Variants in CADPS observed in about 807,000 individuals in gnomAD.
The protein encoded by CADPS is calcium dependent secretion activator, also known as calcium-dependent secretion activator 1.
A neutral mutation model predicts 167.3 loss-of-function variants in CADPS; 57 were observed. The ratio of observed to expected loss-of-function variants is 0.34; its 90% confidence interval spans 0.28 to 0.42. The LOEUF is 0.42. CADPS is among the 20% of genes least tolerant of loss of function. The pLI is 1.00. For missense variants in CADPS, 1,414 were observed against 1,738.1 expected, an observed-to-expected ratio of 0.81 and a Z score of 3.32; for synonymous variants, 676 against 635.3, an observed-to-expected ratio of 1.06 and a Z score of -0.96.
chr3:62,768,536 CA>C (rs2087573532), intron 1 of CADPS, among the ~76,000 whole-genome samples: 2 of 152,158 alleles, frequency 1.3e-5, no homozygotes, highest in Admixed American at 1.3e-4. Flanking sequence ...GCATGGTGCT[CA>C]TTTAGTTAAG....
rs76155078 is a variant in CADPS at position 62,468,505 on chromosome 3, C to T, written c.3478-2092G>A. On this transcript the variant is annotated intron_variant, in intron 24 of 29. Transcript: ENST00000383710. ...ACACCAACAAAGATTTAGGGTCTTA[C>T]TCTGAGGAGTTAATGATGTCATTCT... Among the ~76,000 whole-genome samples the T allele has an allele frequency of 1.1e-4, 17 of 152,284 alleles. No individual in the cohort carries two copies. In the East Asian group the frequency reaches 3.1e-3, roughly 28 times the overall value.
chr3:62,754,356 T>C (rs983650065), intron 2 of CADPS, among the ~76,000 whole-genome samples: 4 of 151,900 alleles, frequency 2.6e-5, no homozygotes, highest in African/African-American at 9.7e-5. Flanking sequence ...TATTTATTTA[T>C]TTTGTATTTT....
chr3:62,738,574 A>T (rs2079504730), intron 3 of CADPS, among the ~76,000 whole-genome samples: 1 of 152,148 alleles, frequency 6.6e-6, no homozygotes, highest in Admixed American at 6.5e-5. Flanking sequence ...AAGTACAAAA[A>T]AATTAACTGA....
chr3:62,850,167 T>C (rs1338427418), intron 1 of CADPS, among the ~76,000 whole-genome samples: 1 of 136,740 alleles, frequency 7.3e-6, no homozygotes, highest in Non-Finnish European at 1.6e-5. Flanking sequence ...TTCTTCTCTC[T>C]TTTTTTATTA....
rs1239872733 is a variant in CADPS, at chr3:62,870,004, G to A, written c.441+4585C>T. 2.6e-5 allele frequency among the ~76,000 whole-genome samples: 4 copies of A among 151,940 alleles called. No homozygotes were observed. The South Asian group carries it at 6.2e-4, about 24-fold the overall frequency. ...AAACATTTAATTTCCTTTGTTCTTC[G>A]GTCCAGTTTTAGGGAATCATAAGCC... On this transcript the variant is annotated intron_variant, in intron 1 of 29. Coordinates refer to ENST00000383710, the MANE Select transcript of CADPS (RefSeq NM_003716.4).
Position 62,753,589 on chromosome 3 carries a change from C to T in CADPS, c.740G>A (p.Gly247Glu), listed in dbSNP as rs765186750. 1 of 1,614,036 alleles carries T rather than the reference C, an allele frequency of 6.2e-7. No individual in the cohort carries two copies. The highest frequency in any genetic ancestry group is 1.3e-5 in the African/African-American group (1 of 74,916). ...CTGCTGCTTCCGCGGGTCCTCTTCT[C>T]CACGGTAGATGGCATCAAATTTGGC... ...WMAKFDAIYR[G>E]EEDPRKQQAR... Residue 247 changes from glycine (G) to glutamate (E), a missense_variant, in exon 3 of 30, where the codon GGA (glycine) becomes GAA (glutamate). Coordinates refer to ENST00000383710, the MANE Select transcript of CADPS (RefSeq NM_003716.4). The surrounding 1 kb of genome is among the most constrained non-coding windows in gnomAD (Gnocchi z 4.6).
intron 6 of CADPS, among the ~76,000 whole-genome samples, chr3:62,637,975 A>G (rs1458345228): frequency 6.6e-6 from 1 of 151,942 alleles, no homozygotes; most frequent in Non-Finnish European, 1.5e-5. Flanking sequence ...GACTCAGGCC[A>G]CCTTGTTTTC....
chr3:62,835,946 C>T (rs772795638), intron 1 of CADPS, among the ~76,000 whole-genome samples: 6 of 152,182 alleles, frequency 3.9e-5, no homozygotes, highest in African/African-American at 7.2e-5. Flanking sequence ...CTCTTTTTCT[C>T]TTCAAGCTTC....
intron 6 of CADPS, among the ~76,000 whole-genome samples, chr3:62,610,291 C>T (rs1282457521): frequency 6.6e-6 from 1 of 151,374 alleles, no homozygotes; most frequent in Admixed American, 6.6e-5. Context: ...TACTCTGTCA[C>T]CCCAGCTGGA....
At position 62,874,742 on chromosome 3, in the gene CADPS, C is replaced by A. The variant is rs2083344733; in HGVS notation, c.288G>T (p.Val96=). The change falls in exon 1 of 30, where the codon GTG becomes GTT. Residue 96 remains valine, a synonymous_variant. Coordinates refer to ENST00000383710, the MANE Select transcript of CADPS (RefSeq NM_003716.4). This position sits in a 1 kb window ranked among gnomAD's most constrained non-coding sequence, Gnocchi z 7.1. ...GGRPSSPSPS[V]VSEKEKEELE... ...ACTCTTCCTTCTCCTTCTCGCTCAC[C>A]ACCGACGGGCTGGGGCTGGAGGGCC... The A allele has an allele frequency of 2.0e-6, 3 of 1,514,782 alleles. No homozygotes were observed. The highest frequency in any genetic ancestry group is 2.7e-6 in the Non-Finnish European group (3 of 1,115,536). The allele number at this position is 1,514,782 out of a possible 1,614,324, so 93.8% of individuals were successfully genotyped here.
intron 7 of CADPS, among the ~76,000 whole-genome samples, chr3:62,588,397 T>A (rs2085156120): frequency 6.6e-6 from 1 of 152,048 alleles, no homozygotes; most frequent in Non-Finnish European, 1.5e-5. Flanking sequence ...AAGGGTTTTT[T>A]ACCAGTCATT....
At chr3:62,542,783 T>C (rs1433079835) in intron 11 of CADPS, among the ~76,000 whole-genome samples, 1 of 152,134 alleles carries the variant, frequency 6.6e-6, no homozygotes. Context: ...TTTATTTCAA[T>C]GTTAATTTCT....
At chr3:62,408,643 A>G (rs1361773481) in intron 28 of CADPS, among the ~76,000 whole-genome samples, 2 of 152,218 alleles carry the variant, frequency 1.3e-5, no homozygotes, top group African/African-American at 4.8e-5. Flanking sequence ...CTGTCATGAT[A>G]GCCACTCTCA....
intron 1 of CADPS, among the ~76,000 whole-genome samples, chr3:62,807,454 G>T (rs1048402269): frequency 4.0e-5 from 6 of 151,602 alleles, no homozygotes; most frequent in Non-Finnish European, 7.4e-5. Context: ...TAGAGATGAG[G>T]TTTCATCATG....
intron 6 of CADPS, among the ~76,000 whole-genome samples, chr3:62,611,001 A>G (rs1377485222): frequency 6.6e-6 from 1 of 151,964 alleles, no homozygotes; most frequent in Non-Finnish European, 1.5e-5. Context: ...GCATCTAGTG[A>G]GTGGAGGCTG....
chr3:62,701,573 C>T (rs1211859151), intron 3 of CADPS, among the ~76,000 whole-genome samples: 1 of 146,940 alleles, frequency 6.8e-6, no homozygotes, highest in Admixed American at 6.9e-5. Flanking sequence ...TGCACAACTG[C>T]ACTCCAGCCT....
At chr3:62,632,960 T>G (rs1351288164) in intron 6 of CADPS, among the ~76,000 whole-genome samples, 2 of 151,916 alleles carry the variant, frequency 1.3e-5, no homozygotes, top group African/African-American at 4.8e-5. Context: ...ACTACCCACA[T>G]GGTTGTGAGA....
At chr3:62,844,293 A>G (rs1559886728) in intron 1 of CADPS, among the ~76,000 whole-genome samples, 4 of 152,136 alleles carry the variant, frequency 2.6e-5, no homozygotes, top group African/African-American at 7.2e-5. Flanking sequence ...ACTAAACTCT[A>G]AGGGAAGGGG....
rs866586690 is a variant in CADPS at position 62,771,679 on chromosome 3, C to G, written c.442-5695G>C. Among the ~76,000 whole-genome samples the G allele has an allele frequency of 1.6e-4, 24 of 152,164 alleles. No individual in the cohort carries two copies. In the Middle Eastern group the frequency reaches 0.024, roughly 151 times the overall value. On this transcript the variant is annotated intron_variant, in intron 1 of 29. Transcript: ENST00000383710. ...ACATCAAGGTCAGAATTCAGAATTG[C>G]AGTAATGAATTCCAAGCAGAAAACC...
Sources: gnomAD v4.1 joint callset for allele counts (sites outside exome capture counted in the v4.1 genomes callset) on GRCh38, gnomAD v4.1.1 for gene constraint, Gnocchi (gnomAD v3.1) non-coding constraint, MANE v1.5 for transcripts, NCBI Gene and HGNC (gene_info 2026-07-23, HGNC 2026-07-21) for gene names.